BNC2: variants seen among roughly 807,000 people sequenced by gnomAD.
BNC2 encodes the protein zinc finger protein basonuclin-2.
A neutral mutation model predicts 76.3 loss-of-function variants in BNC2; 20 were observed. The ratio of observed to expected loss-of-function variants is 0.26; its 90% CI spans 0.18 to 0.38. BNC2 has a LOEUF of 0.38. BNC2 is among the 10% of genes least tolerant of loss of function. The pLI is 1.00. For synonymous variants in BNC2, 582 were observed against 514.8 expected, an observed-to-expected ratio of 1.13 and a Z score of -1.77; for missense variants, 1,382 against 1,399.8, an observed-to-expected ratio of 0.99 and a Z score of 0.20.
intron 3 of BNC2, among the ~76,000 whole-genome samples, chr9:16,688,641 T>C (rs935502572): frequency 6.6e-6 from 1 of 152,226 alleles, no homozygotes; most frequent in African/African-American, 2.4e-5. Flanking sequence ...ACTTTTATTC[T>C]TTTTGTATGA....
intron 5 of BNC2, among the ~76,000 whole-genome samples, chr9:16,484,710 C>T (rs1822124832): frequency 6.6e-6 from 1 of 152,152 alleles, no homozygotes; most frequent in Admixed American, 6.5e-5. Flanking sequence ...TGTATATACC[C>T]GATCAAGCTC....
At chr9:16,643,975 T>C (rs1269711233) in intron 3 of BNC2, among the ~76,000 whole-genome samples, 2 of 152,132 alleles carry the variant, frequency 1.3e-5, no homozygotes, top group African/African-American at 4.8e-5. Flanking sequence ...TGGAATGGGG[T>C]AGGGCTACAC....
At chr9:16,469,215 A>G (rs10962429) in intron 5 of BNC2, among the ~76,000 whole-genome samples, 51,843 of 152,062 alleles carry the variant, frequency 0.34, 9,693 homozygotes, top group Admixed American at 0.48. Context: ...CTCAAACAGT[A>G]CTAATGATTT....
intron 4 of BNC2, among the ~76,000 whole-genome samples, chr9:16,569,546 T>G (rs548796033): frequency 3.8e-4 from 58 of 152,288 alleles, no homozygotes; most frequent in African/African-American, 1.3e-3. Flanking sequence ...AAAACAGACT[T>G]TGAAAAGCAT....
chr9:16,642,435 A>G (rs893558467), intron 3 of BNC2, among the ~76,000 whole-genome samples: 1 of 152,174 alleles, frequency 6.6e-6, no homozygotes, highest in Non-Finnish European at 1.5e-5. Context: ...ATATTTTAAC[A>G]TATTCTTCCT....
intron 3 of BNC2, among the ~76,000 whole-genome samples, chr9:16,689,413 G>T (rs906256874): frequency 9.2e-5 from 14 of 152,204 alleles, no homozygotes; most frequent in African/African-American, 3.4e-4. Context: ...GGGTCCACTT[G>T]AAATTTCCAT....
rs532328206 is a variant in BNC2 at position 16,693,500 on chromosome 9, G to A, written c.330+34297C>T. 6.6e-5 allele frequency among the ~76,000 whole-genome samples: 10 copies of A among 152,234 alleles called. No individual in the cohort carries two copies. In the East Asian group the frequency reaches 1.7e-3, roughly 26 times the overall value. On this transcript the variant is annotated intron_variant, in intron 3 of 6. Transcript: ENST00000380672. ...AGACCCACTGTGACAGAAACTGGAG[G>A]TGGAGTCCCTCACCTGTGTTTACAA...
At chr9:16,841,631 T>G (rs1818828596) in intron 1 of BNC2, among the ~76,000 whole-genome samples, 1 of 152,080 alleles carries the variant, frequency 6.6e-6, no homozygotes, top group African/African-American at 2.4e-5. Context: ...GTATTCACCA[T>G]GCCTTCTTAT....
chr9:16,472,494 T>G (rs1355762132), intron 5 of BNC2, among the ~76,000 whole-genome samples: 1 of 152,218 alleles, frequency 6.6e-6, no homozygotes, highest in East Asian at 1.9e-4. Context: ...GGCTGTGCAC[T>G]CTTTTAGGAT....
Position 16,410,816 on chromosome 9 carries a change from C to T in BNC2, c.*8173G>A, listed in dbSNP as rs964903652. ...GATACACAATGAGAGGAATGGATTACTCTGTACAAAAACATGCAAAAATAC... is the reference window on the plus strand; with the variant it reads ...GATACACAATGAGAGGAATGGATTATTCTGTACAAAAACATGCAAAAATAC... On this transcript the variant is annotated 3_prime_UTR_variant, in exon 7 of 7. Coordinates refer to ENST00000380672, the MANE Select transcript of BNC2 (RefSeq NM_017637.6). The T allele has an allele frequency of 6.6e-6, 1 of 152,140 alleles. No homozygotes were observed. The highest frequency in any genetic ancestry group is 2.4e-5 in the African/African-American group (1 of 41,422). 9.4% of individuals were successfully genotyped at this position (152,140 alleles called of 1,614,324 possible). A position where few individuals can be genotyped will look rare whatever the true frequency, so the allele number is the denominator to read the frequency against.
intron 5 of BNC2, among the ~76,000 whole-genome samples, chr9:16,446,649 C>T (rs769830206): frequency 4.6e-5 from 7 of 152,092 alleles, no homozygotes; most frequent in Non-Finnish European, 8.8e-5. Flanking sequence ...TATTGCTTGA[C>T]ATTTGATTTA....
intron 3 of BNC2, among the ~76,000 whole-genome samples, chr9:16,674,496 G>A (rs1822577716): frequency 1.3e-5 from 2 of 152,130 alleles, no homozygotes; most frequent in Admixed American, 6.5e-5. Context: ...TTTACAACTC[G>A]CATGGATAGT....
rs1290600242 is a variant in BNC2 at position 16,417,867 on chromosome 9, A to G, written c.*1122T>C. ...CAAGAAGGATGCAATGTTGATTCTA[A>G]TAACATTCGGCACTTGAAAGAATCA... On this transcript the variant is annotated 3_prime_UTR_variant, in exon 7 of 7. Coordinates refer to ENST00000380672, the MANE Select transcript of BNC2 (RefSeq NM_017637.6). 1.3e-5 allele frequency: 2 copies of G among 152,790 alleles called. No homozygotes were observed. The highest frequency in any genetic ancestry group is 6.5e-5 in the Admixed American group (1 of 15,304). 9.5% of individuals were successfully genotyped at this position (152,790 alleles called of 1,614,324 possible).
chr9:16,439,872 T>G (rs1458017235), intron 5 of BNC2, among the ~76,000 whole-genome samples: 1 of 152,208 alleles, frequency 6.6e-6, no homozygotes, highest in Non-Finnish European at 1.5e-5. Context: ...TCCTTCATCA[T>G]GTAGATAGAA....
intron 3 of BNC2, among the ~76,000 whole-genome samples, chr9:16,659,369 G>A (rs915400894): frequency 1.3e-5 from 2 of 152,060 alleles, no homozygotes; most frequent in African/African-American, 2.4e-5. Flanking sequence ...CAGCACTTTG[G>A]GGGGCCGAGG....
chr9:16,420,462 T>A (rs1044765282), intron 6 of BNC2, among the ~76,000 whole-genome samples: 9 of 151,910 alleles, frequency 5.9e-5, no homozygotes, highest in East Asian at 3.9e-4. Context: ...AGAAACTTTT[T>A]AAAAAAATAA....
chr9:16,463,795 G>A (rs868133445), intron 5 of BNC2, among the ~76,000 whole-genome samples: 9 of 151,910 alleles, frequency 5.9e-5, no homozygotes, highest in Admixed American at 2.0e-4. Context: ...GGTGGTTCAC[G>A]TCTGTAATCC....
chr9:16,594,758 C>T (rs913242118), intron 3 of BNC2, among the ~76,000 whole-genome samples: 12 of 152,016 alleles, frequency 7.9e-5, no homozygotes, highest in African/African-American at 2.9e-4. Flanking sequence ...GAAAATGAGG[C>T]TCTGAGATGT....
intron 3 of BNC2, among the ~76,000 whole-genome samples, chr9:16,632,652 A>C (rs1037984205): frequency 6.6e-6 from 1 of 152,226 alleles, no homozygotes; most frequent in Non-Finnish European, 1.5e-5. Flanking sequence ...GACAGCATAC[A>C]CTTAGGTCTA....
Sources: gnomAD v4.1 joint callset for allele counts (sites outside exome capture counted in the v4.1 genomes callset) on GRCh38, gnomAD v4.1.1 for gene constraint, MANE v1.5 for transcripts, NCBI Gene and HGNC (gene_info 2026-07-23, HGNC 2026-07-21) for gene names.